Variants in CCDC102B observed in about 807,000 individuals in gnomAD.
CCDC102B encodes the protein coiled-coil domain-containing protein 102B.
A neutral mutation model predicts 57.4 loss-of-function variants in CCDC102B; 75 were observed. The ratio of observed to expected loss-of-function variants is 1.31; its 90% CI spans 1.08 to 1.58. The LOEUF is 1.58. Among genes scored for constraint, CCDC102B ranks in the 40% most tolerant of loss-of-function variants. The pLI is 0.00. For missense variants in CCDC102B, 636 were observed against 582.6 expected, an observed-to-expected ratio of 1.09 and a Z score of -0.94; for synonymous variants, 206 against 201.9, an observed-to-expected ratio of 1.02 and a Z score of -0.17.
At position 68,854,091 on chromosome 18, in the gene CCDC102B, GTTTT is replaced by G. The variant is rs10604645; in HGVS notation, c.936+7681_936+7684del. On this transcript the variant is annotated intron_variant, in intron 4 of 7. Coordinates refer to ENST00000360242, the MANE Select transcript of CCDC102B (RefSeq NM_024781.3). Reference sequence around the variant, plus strand: ...TTATGTTAGCATAATACTTTTTCTTGTTTTTTTTTTTTTTCTTTTTATTTTTGAG... The same window carrying G: ...TTATGTTAGCATAATACTTTTTCTTGTTTTTTTTTTCTTTTTATTTTTGAG... 6.6e-4 allele frequency among the ~76,000 whole-genome samples: 99 copies of G among 149,022 alleles called. 1 individual carries two copies. Among genetic ancestry groups the G allele is most frequent in the South Asian group, 3.0e-3 (14 of 4,674 alleles).
chr18:68,958,983 C>T (rs902920248), intron 6 of CCDC102B, among the ~76,000 whole-genome samples: 1 of 152,124 alleles, frequency 6.6e-6, no homozygotes, highest in Non-Finnish European at 1.5e-5. Flanking sequence ...ACACATCTGT[C>T]TCTGCAGAAT....
intron 1 of CCDC102B, among the ~76,000 whole-genome samples, chr18:68,810,797 C>A (rs933790176): frequency 6.9e-6 from 1 of 145,654 alleles, no homozygotes; most frequent in Non-Finnish European, 1.5e-5. Context: ...CCCATCAATG[C>A]ATCTTCTACA....
intron 7 of CCDC102B, among the ~76,000 whole-genome samples, chr18:69,026,100 G>C (rs888647210): frequency 6.6e-6 from 1 of 152,112 alleles, no homozygotes; most frequent in Non-Finnish European, 1.5e-5. Flanking sequence ...CTCATTCTGC[G>C]GGGGAGAACG....
intron 3 of CCDC102B, among the ~76,000 whole-genome samples, chr18:68,840,484 A>G (rs533208251): frequency 1.3e-5 from 2 of 152,304 alleles, no homozygotes; most frequent in East Asian, 3.9e-4. Context: ...TCATACAAGT[A>G]TCTATGTACA....
chr18:68,929,094 C>A lies in CCDC102B; in HGVS notation c.1263+31666C>A, dbSNP rs562990349. ...ACTCGTCATAGCTAAAAGTCAGCAGCCATAAGTTATATATTTTTCCCACCT... is the reference window on the plus strand; with the variant it reads ...ACTCGTCATAGCTAAAAGTCAGCAGACATAAGTTATATATTTTTCCCACCT... On this transcript the variant is annotated intron_variant, in intron 6 of 7. Coordinates refer to ENST00000360242, the MANE Select transcript of CCDC102B (RefSeq NM_024781.3). Among the ~76,000 whole-genome samples, 6 of 151,928 alleles carry A rather than the reference C, an allele frequency of 3.9e-5. No individual in the cohort carries two copies. The South Asian group carries it at 1.2e-3, about 32-fold the overall frequency.
chr18:68,828,902 G>C (rs1568273171), intron 1 of CCDC102B, among the ~76,000 whole-genome samples: 1 of 151,710 alleles, frequency 6.6e-6, no homozygotes, highest in Non-Finnish European at 1.5e-5. Context: ...TGATCATCAA[G>C]ACGTGTATGA....
rs781758745 is a variant in CCDC102B, at chr18:68,836,996, T to G, written c.233T>G (p.Leu78Arg). ...DICEELRLRE[L>R]EEVKARAAQM... is the part of the protein sequence containing the mutation. ...TGTGAAGAACTTCGCCTGCGGGAGC[T>G]TGAAGAAGTCAAGGCCAGAGCTGCT... Residue 78 changes from leucine to arginine, a missense_variant, in exon 2 of 8, where the codon CTT (leucine) becomes CGT (arginine). Transcript: ENST00000360242. 3.7e-6 allele frequency: 6 copies of G among 1,613,994 alleles called. No homozygotes were observed. The Admixed American group carries it at 1.0e-4, about 27-fold the overall frequency.
chr18:69,029,020 C>T (rs17080081), intron 7 of CCDC102B, among the ~76,000 whole-genome samples: 11,782 of 151,986 alleles, frequency 0.078, 1,535 homozygotes, highest in African/African-American at 0.27. Context: ...AAGTTTTATG[C>T]GTGATGTTTA....
At chr18:69,024,090 A>T (rs1431647958) in intron 7 of CCDC102B, among the ~76,000 whole-genome samples, 1 of 152,070 alleles carries the variant, frequency 6.6e-6, no homozygotes, top group African/African-American at 2.4e-5. Context: ...ACAAAAAAAA[A>T]TAATAATGGG....
intron 2 of CCDC102B, among the ~76,000 whole-genome samples, chr18:68,792,537 A>T (rs1470199354): frequency 6.6e-6 from 1 of 152,248 alleles, no homozygotes; most frequent in Non-Finnish European, 1.5e-5. Flanking sequence ...CTTAAAAACA[A>T]CTATTGCCAG....
At position 68,931,041 on chromosome 18, in the gene CCDC102B, T is replaced by A. The variant is rs560216594; in HGVS notation, c.1263+33613T>A. On this transcript the variant is annotated intron_variant, in intron 6 of 7. Transcript: ENST00000360242. ...CATTCAGAGGCATGATCAGTAAATC[T>A]TTTACATTACAATAACATTAGACAC... Among the ~76,000 whole-genome samples the A allele has an allele frequency of 4.6e-5, 7 of 152,050 alleles. No individual in the cohort carries two copies. In the South Asian group the frequency reaches 1.5e-3, roughly 32 times the overall value.
At chr18:68,769,387 C>T (rs2034566459) in intron 2 of CCDC102B, among the ~76,000 whole-genome samples, 1 of 152,092 alleles carries the variant, frequency 6.6e-6, no homozygotes, top group African/African-American at 2.4e-5. Context: ...ACCCTTATTA[C>T]CTCCCAAAGG....
At chr18:68,938,865 A>G (rs2049310358) in intron 6 of CCDC102B, among the ~76,000 whole-genome samples, 1 of 151,622 alleles carries the variant, frequency 6.6e-6, no homozygotes, top group Non-Finnish European at 1.5e-5. Context: ...TCACACCAAT[A>G]AAGGTTTATT....
intron 6 of CCDC102B, among the ~76,000 whole-genome samples, chr18:68,937,333 C>T (rs1337348229): frequency 6.6e-6 from 1 of 152,006 alleles, no homozygotes; most frequent in Non-Finnish European, 1.5e-5. Context: ...GATACTTGTT[C>T]ACAGAACGAG....
chr18:68,830,086 G>A (rs1266273427), intron 1 of CCDC102B, among the ~76,000 whole-genome samples: 1 of 151,862 alleles, frequency 6.6e-6, no homozygotes, highest in Non-Finnish European at 1.5e-5. Context: ...TATTGGTTAT[G>A]TGCTCTCATT....
chr18:68,849,042 T>C (rs1373981124), intron 4 of CCDC102B, among the ~76,000 whole-genome samples: 8 of 152,228 alleles, frequency 5.3e-5, no homozygotes, highest in Non-Finnish European at 1.0e-4. Flanking sequence ...GCTTATAATT[T>C]ATAATATTAT....
intron 6 of CCDC102B, among the ~76,000 whole-genome samples, chr18:68,955,191 T>C (rs1225951242): frequency 6.6e-6 from 1 of 152,178 alleles, no homozygotes; most frequent in Non-Finnish European, 1.5e-5. Context: ...AATTTATTCC[T>C]CTTGTAGTCA....
At chr18:68,835,769 A>G (rs149138175) in intron 1 of CCDC102B, among the ~76,000 whole-genome samples, 1 of 152,340 alleles carries the variant, frequency 6.6e-6, no homozygotes, top group East Asian at 1.9e-4. Flanking sequence ...GAAGGCTGTT[A>G]TACTCACCTT....
chr18:68,911,222 T>C (rs1014161809), intron 6 of CCDC102B, among the ~76,000 whole-genome samples: 2 of 152,124 alleles, frequency 1.3e-5, no homozygotes, highest in African/African-American at 4.8e-5. Context: ...AAAGAAAATA[T>C]GGTACATACA....
Sources: gnomAD v4.1 joint callset for allele counts (sites outside exome capture counted in the v4.1 genomes callset) on GRCh38, gnomAD v4.1.1 for gene constraint, MANE v1.5 for transcripts, NCBI Gene and HGNC (gene_info 2026-07-23, HGNC 2026-07-21) for gene names.